The following ATF6 variants were observed in gnomAD, a reference collection of about 807,000 sequenced individuals.
ATF6 encodes activating transcription factor 6, also known as cyclic AMP-dependent transcription factor ATF-6 alpha.
A neutral mutation model predicts 83.6 loss-of-function variants in ATF6; 53 were observed. The observed-to-expected ratio is 0.63, with a 90% CI of 0.51 to 0.80. The LOEUF is 0.80. ATF6 is among the 30% of genes least tolerant of loss of function. ATF6 has a pLI of 0.00. For missense variants in ATF6, 744 were observed against 797.9 expected (o/e 0.93, Z 0.81); for synonymous variants, 288 against 285.8 (o/e 1.01, Z -0.08).
chr1:161,788,459 C>G (rs2101736617), intron 4 of ATF6, among the ~76,000 whole-genome samples: 1 of 152,166 alleles, frequency 6.6e-6, no homozygotes, highest in East Asian at 1.9e-4. Flanking sequence ...AATAGTAAAA[C>G]TCTTGTTGGA....
chr1:161,803,003 A>G (rs1685193162), intron 7 of ATF6, among the ~76,000 whole-genome samples: 1 of 152,228 alleles, frequency 6.6e-6, no homozygotes, highest in Non-Finnish European at 1.5e-5. Flanking sequence ...CTATATAGTC[A>G]AACAGTGGAT....
At chr1:161,812,371 C>CTTTTTTTT (rs869240831) in intron 7 of ATF6, among the ~76,000 whole-genome samples, 1 of 34,340 alleles carries the variant, frequency 2.9e-5, no homozygotes, top group Non-Finnish European at 5.6e-5. Flanking sequence ...CAGGTATTTT[C>CTTTTTTTT]TTTTTTTTTT....
intron 14 of ATF6, among the ~76,000 whole-genome samples, chr1:161,866,560 A>G (rs1687004715): frequency 6.6e-6 from 1 of 152,152 alleles, no homozygotes; most frequent in South Asian, 2.1e-4. Context: ...GCTTAGTTCC[A>G]GTTATTTGTA....
In ATF6 at chr1:161,963,047, T is replaced by G. The variant is rs1385894911; in HGVS notation, c.*4393T>G. On this transcript the variant is annotated 3_prime_UTR_variant, in exon 16 of 16. Transcript: ENST00000367942. ...TTGGAAGTGAATATTCCCATTTTCT[T>G]CCACCCACAGGGATTGGGATTGATT... 1 of 152,198 alleles carries G rather than the reference T, an allele frequency of 6.6e-6. No homozygotes were observed. Among genetic ancestry groups the G allele is most frequent in the Non-Finnish European group, 1.5e-5 (1 of 68,018 alleles). The allele number at this position is 152,198 out of a possible 1,614,324, so 9.4% of individuals were successfully genotyped here.
At chr1:161,866,990 G>A (rs1687016634) in intron 14 of ATF6, among the ~76,000 whole-genome samples, 1 of 151,962 alleles carries the variant, frequency 6.6e-6, no homozygotes, top group Admixed American at 6.6e-5. Flanking sequence ...ACTCAATAAT[G>A]CTTATTTTAA....
chr1:161,895,607 A>G (rs1203874796), intron 14 of ATF6, among the ~76,000 whole-genome samples: 1 of 152,244 alleles, frequency 6.6e-6, no homozygotes, highest in African/African-American at 2.4e-5. Flanking sequence ...AGTATGGAAC[A>G]TAGAGATCAA....
In ATF6 at chr1:161,958,670, C is replaced by G. The variant is rs765007202; in HGVS notation, c.*16C>G. 2.5e-6 allele frequency: 4 copies of G among 1,590,390 alleles called. No individual in the cohort carries two copies. In the African/African-American group the frequency reaches 5.4e-5, roughly 21 times the overall value. ...ATTACAATAGCACCCTGCAGCTATG[C>G]TGGAAAACTGAGCGTGGGACCCTGC... is the stretch of plus-strand genomic sequence containing the variant. On this transcript the variant is annotated 3_prime_UTR_variant, in exon 16 of 16. Transcript: ENST00000367942.
In ATF6 at chr1:161,941,980, G is replaced by GT. The variant is rs1688655127; in HGVS notation, c.1805-16465dup. 2.6e-5 allele frequency among the ~76,000 whole-genome samples: 4 copies of GT among 151,608 alleles called. No individual in the cohort carries two copies. The South Asian group carries it at 8.3e-4, about 32-fold the overall frequency. On this transcript the variant is annotated intron_variant, in intron 15 of 15. Coordinates refer to ENST00000367942, the MANE Select transcript of ATF6 (RefSeq NM_007348.4). ...CTCTTATCTTCTTTTTTTCGGCGGGGTGGGGGGGTTTTGTTTGTTTGTTTT... is the reference window on the plus strand; with the variant it reads ...CTCTTATCTTCTTTTTTTCGGCGGGGTTGGGGGGGTTTTGTTTGTTTGTTTT...
chr1:161,924,691 A>G (rs751812202), intron 15 of ATF6, among the ~76,000 whole-genome samples: 3 of 152,214 alleles, frequency 2.0e-5, no homozygotes, highest in African/African-American at 2.4e-5. Flanking sequence ...AAGGCCATAT[A>G]AGCAGTTTCT....
In ATF6 at chr1:161,961,012, C is replaced by G. The variant is rs1342842974; in HGVS notation, c.*2358C>G. The G allele has an allele frequency of 6.6e-6, 1 of 152,190 alleles. No individual in the cohort carries two copies. The highest frequency in any genetic ancestry group is 6.5e-5 in the Admixed American group (1 of 15,276). 9.4% of individuals were successfully genotyped at this position (152,190 alleles called of 1,614,324 possible). A position where few individuals can be genotyped will look rare whatever the true frequency, so the allele number is the denominator to read the frequency against. On this transcript the variant is annotated 3_prime_UTR_variant, in exon 16 of 16. Transcript: ENST00000367942. ...TGATTATAAATAGAGTTTCCCTCCT[C>G]TCTGTGACAGAATCACAGGAGAAGG... is the stretch of plus-strand genomic sequence containing the variant.
At chr1:161,787,146 A>T (rs879772275) in intron 4 of ATF6, among the ~76,000 whole-genome samples, 4 of 152,108 alleles carry the variant, frequency 2.6e-5, no homozygotes, top group Admixed American at 2.6e-4. Context: ...TTTCACTTTG[A>T]TCCCTTCATA....
intron 15 of ATF6, among the ~76,000 whole-genome samples, chr1:161,950,164 G>T (rs187248061): frequency 6.6e-6 from 1 of 152,262 alleles, no homozygotes; most frequent in East Asian, 1.9e-4. Flanking sequence ...TAAAACATAT[G>T]CCAGGCTTTT....
intron 6 of ATF6, among the ~76,000 whole-genome samples, chr1:161,798,779 T>C (rs1043426198): frequency 2.0e-5 from 3 of 152,034 alleles, no homozygotes; most frequent in African/African-American, 7.3e-5. Flanking sequence ...CATTAAGAAG[T>C]GGGCAAAGGA....
intron 9 of ATF6, among the ~76,000 whole-genome samples, chr1:161,821,431 G>C (rs181017647): frequency 6.6e-6 from 1 of 152,098 alleles, no homozygotes; most frequent in Admixed American, 6.6e-5. Flanking sequence ...TTGAGGTGAA[G>C]GTTCTTGTCG....
At chr1:161,835,362 T>C (rs1350076504) in intron 9 of ATF6, among the ~76,000 whole-genome samples, 1 of 152,206 alleles carries the variant, frequency 6.6e-6, no homozygotes, top group African/African-American at 2.4e-5. Context: ...AGCCTTACTC[T>C]GGAATCTTAA....
intron 14 of ATF6, 86 bp from the exon 15 acceptor site, chr1:161,912,210 A>G (rs1688004701): frequency 2.6e-6 from 2 of 756,830 alleles, no homozygotes; most frequent in East Asian, 6.0e-5. Context: ...CCAACGAAAT[A>G]TTGACCTCTT....
intron 9 of ATF6, among the ~76,000 whole-genome samples, chr1:161,824,425 G>A (rs147567950): frequency 6.7e-6 from 1 of 150,352 alleles, no homozygotes; most frequent in Admixed American, 6.6e-5. Flanking sequence ...CCCCTGTGAG[G>A]CTTTCCTGGA....
intron 14 of ATF6, among the ~76,000 whole-genome samples, chr1:161,866,833 C>G (rs1002737118): frequency 6.6e-6 from 1 of 152,072 alleles, no homozygotes; most frequent in Non-Finnish European, 1.5e-5. Context: ...CTTCAGCCTC[C>G]AACTCCTGAG....
chr1:161,893,778 T>C (rs191714466), intron 14 of ATF6, among the ~76,000 whole-genome samples: 10 of 152,344 alleles, frequency 6.6e-5, no homozygotes, highest in Non-Finnish European at 8.8e-5. Context: ...CAAATGTTGC[T>C]TAATTTTTCA....
Sources: allele counts gnomAD v4.1 joint callset (sites outside exome capture counted in the v4.1 genomes callset), GRCh38; gene constraint gnomAD v4.1.1; transcripts MANE v1.5; gene names NCBI Gene and HGNC (gene_info 2026-07-23, HGNC 2026-07-21).